Variants in MYO18B observed in about 807,000 individuals in gnomAD.
MYO18B encodes unconventional myosin-XVIIIb.
A neutral mutation model predicts 273.0 loss-of-function variants in MYO18B; 204 were observed. The observed-to-expected ratio is 0.75, with a 90% CI of 0.67 to 0.84. The LOEUF (loss-of-function observed/expected upper bound fraction) is 0.84. Among genes scored for constraint, MYO18B ranks in the 40% least tolerant of loss-of-function variants. MYO18B has a pLI of 0.00. For synonymous variants in MYO18B, 1,330 were observed against 1,305.7 expected (o/e 1.02, Z -0.40); for missense variants, 3,212 against 3,287.6 (o/e 0.98, Z 0.56).
At position 25,770,883 on chromosome 22, in the gene MYO18B, A is replaced by G. The variant is rs931315610; in HGVS notation, c.1591A>G (p.Lys531Glu). 1 of 1,551,758 alleles carries G rather than the reference A, an allele frequency of 6.4e-7. No individual in the cohort carries two copies. Among genetic ancestry groups the G allele is most frequent in the Non-Finnish European group, 8.7e-7 (1 of 1,147,054 alleles). The change falls in exon 6 of 44, where the codon AAG becomes GAG. Residue 531 changes from lysine (K) to glutamate (E), a missense_variant. Lys to Glu is a moderately conservative substitution (Grantham distance 56). Transcript: ENST00000335473. ...KDGFTLATVLKPDEGTADLPA... is the reference protein window; with the variant it reads ...KDGFTLATVLEPDEGTADLPA... ...GGATGTCCAACCAGCTACGGTGCTAAAGCCAGATGAGGGAACAGCAGACCT... is the reference window on the plus strand; with the variant it reads ...GGATGTCCAACCAGCTACGGTGCTAGAGCCAGATGAGGGAACAGCAGACCT...
intron 13 of MYO18B, among the ~76,000 whole-genome samples, chr22:25,824,320 C>T (rs1004859952): frequency 6.6e-6 from 1 of 152,014 alleles, no homozygotes; most frequent in Non-Finnish European, 1.5e-5. Flanking sequence ...GCGAGGTGGA[C>T]AGATTCAGGG....
rs35578357 is a variant in MYO18B, at chr22:25,876,277, C to T, written c.4169C>T (p.Ser1390Phe). The T allele has an allele frequency of 0.035, 57,042 of 1,613,242 alleles. 1,170 individuals carry two copies. Among genetic ancestry groups the T allele is most frequent in the Middle Eastern group, 0.054 (329 of 6,060 alleles). ...TGGCCATGGTGGCAGCTGCTTGGTTCCCTCCAGCCTCTACTTAGTGCCACC... is the reference window on the plus strand; with the variant it reads ...TGGCCATGGTGGCAGCTGCTTGGTTTCCTCCAGCCTCTACTTAGTGCCACC... ...KDWPWWQLLG[S>F]LQPLLSATIG... Residue 1390 changes from serine to phenylalanine, a missense_variant, in exon 24 of 44, where the codon TCC (serine) becomes TTC (phenylalanine). By Grantham distance (155) the Ser-to-Phe change is radical (BLOSUM62 -2). Coordinates refer to ENST00000335473, the MANE Select transcript of MYO18B (RefSeq NM_032608.7).
chr22:26,014,177 ATGTGAGGTAGGGCTCATTGTGG>A (rs1935128542), intron 42 of MYO18B, among the ~76,000 whole-genome samples: 1 of 152,138 alleles, frequency 6.6e-6, no homozygotes, highest in Non-Finnish European at 1.5e-5. Context: ...CTTATTTGTG[ATGTGAGGTAGGGCTCATTGTGG>A]TGTGAGGTAG....
intron 19 of MYO18B, 101 bp from the exon 20 acceptor site, chr22:25,847,329 A>G (rs1464440933): frequency 1.2e-5 from 13 of 1,095,202 alleles, no homozygotes; most frequent in Non-Finnish European, 1.6e-5. Flanking sequence ...AGGGGCCCCA[A>G]AGATGCTCAG....
the MYO18B span, among the ~76,000 whole-genome samples, chr22:26,045,074 GTT>G: frequency 6.8e-6 from 1 of 147,252 alleles, no homozygotes; most frequent in African/African-American, 2.5e-5. Context: ...TTGGTTTTTG[GTT>G]TTTTTTTTGC....
chr22:26,031,850 T>C (rs1014187601), downstream of MYO18B, among the ~76,000 whole-genome samples: 1 of 152,182 alleles, frequency 6.6e-6, no homozygotes, highest in African/African-American at 2.4e-5. Flanking sequence ...TTGTCTCTGA[T>C]GCAGACACAG....
chr22:26,025,101 T>G (rs1193164129), intron 42 of MYO18B, among the ~76,000 whole-genome samples: 3 of 152,142 alleles, frequency 2.0e-5, no homozygotes, highest in Non-Finnish European at 4.4e-5. Flanking sequence ...TATCATCATA[T>G]TGAGGATTAG....
the MYO18B span, among the ~76,000 whole-genome samples, chr22:26,058,476 C>T: frequency 1.3e-5 from 2 of 152,100 alleles, no homozygotes; most frequent in African/African-American, 2.4e-5. Flanking sequence ...AGAGAGAATG[C>T]GGTATCCACT....
intron 39 of MYO18B, among the ~76,000 whole-genome samples, chr22:25,970,614 CAA>C (rs1392219595): frequency 6.6e-6 from 1 of 152,152 alleles, no homozygotes; most frequent in Non-Finnish European, 1.5e-5. Flanking sequence ...CTCCCCCTCT[CAA>C]AGTTTTCAAA....
chr22:25,902,570 C>G, intron 29 of MYO18B, 43 bp from the exon 30 acceptor site: 1 of 1,583,308 alleles, frequency 6.3e-7, no homozygotes, highest in Admixed American at 1.8e-5. Flanking sequence ...ACTCCCCTGC[C>G]CACCTGCCTA....
chr22:25,771,348 A>C (rs2086713241), intron 6 of MYO18B, among the ~76,000 whole-genome samples: 1 of 152,130 alleles, frequency 6.6e-6, no homozygotes, highest in South Asian at 2.1e-4. Context: ...TTCTGTTTTC[A>C]CTCTGGCCGC....
chr22:25,948,407 T>TTTCC (rs59622689), intron 36 of MYO18B, among the ~76,000 whole-genome samples: 5,388 of 117,818 alleles, frequency 0.046, 143 homozygotes, highest in East Asian at 0.089. Context: ...TTTTCCTGTC[T>TTTCC]TTCCTTCCTT....
chr22:25,848,474 G>A (rs1163307540), intron 20 of MYO18B, among the ~76,000 whole-genome samples: 1 of 152,210 alleles, frequency 6.6e-6, no homozygotes, highest in Non-Finnish European at 1.5e-5. Context: ...TTTCAGGGAA[G>A]TGGATTCAGA....
chr22:25,812,241 T>C (rs5761247), intron 12 of MYO18B, among the ~76,000 whole-genome samples: 51,473 of 152,068 alleles, frequency 0.34, 9,142 homozygotes, highest in African/African-American at 0.45. Flanking sequence ...ACATCTATTT[T>C]CTTAGGTGAA....
chr22:25,982,881 G>A (rs751989255), intron 39 of MYO18B, among the ~76,000 whole-genome samples: 21 of 152,174 alleles, frequency 1.4e-4, no homozygotes, highest in Middle Eastern at 6.8e-3. Flanking sequence ...CTTTATACAC[G>A]CTGCCAAATA....
the MYO18B span, among the ~76,000 whole-genome samples, chr22:26,062,289 G>GTCCCCAGTTGTGTCCC: frequency 6.6e-6 from 1 of 152,156 alleles, no homozygotes; most frequent in South Asian, 2.1e-4. Flanking sequence ...TTGAGGATGG[G>GTCCCCAGTTGTGTCCC]AAGGTATCTA....
chr22:25,823,389 G>A (rs1418185948), intron 12 of MYO18B, 116 bp from the exon 13 acceptor site: 1 of 1,163,750 alleles, frequency 8.6e-7, no homozygotes. Context: ...GCTCCCGGCT[G>A]AGGAGGCTGG....
At chr22:25,779,307 A>C (rs760059367) in intron 8 of MYO18B, among the ~76,000 whole-genome samples, 4 of 152,176 alleles carry the variant, frequency 2.6e-5, no homozygotes, top group Non-Finnish European at 4.4e-5. Flanking sequence ...TTTGGTCCTC[A>C]TGACAGCCAC....
intron 12 of MYO18B, among the ~76,000 whole-genome samples, chr22:25,814,208 C>CTACCCTTCTT (rs1286746563): frequency 6.7e-6 from 1 of 149,986 alleles, no homozygotes; most frequent in Non-Finnish European, 1.5e-5. Context: ...GTGAAAGTTC[C>CTACCCTTCTT]TACCCTTCTT....
Sources: gnomAD v4.1 joint callset for allele counts (sites outside exome capture counted in the v4.1 genomes callset) on GRCh38, gnomAD v4.1.1 for gene constraint, MANE v1.5 for transcripts, NCBI Gene and HGNC (gene_info 2026-07-23, HGNC 2026-07-21) for gene names.